Variants in LRRC1 observed in about 807,000 individuals in gnomAD.
The protein encoded by LRRC1 is leucine rich repeat containing 1, also known as leucine-rich repeat-containing protein 1.
In LRRC1, 28 loss-of-function variants were observed where a neutral mutation model predicts 69.9. That is an observed-to-expected ratio of 0.40 (90% CI 0.30 to 0.55). The LOEUF (loss-of-function observed/expected upper bound fraction) is 0.55. LRRC1 is among the 20% of genes least tolerant of loss of function. The probability of loss-of-function intolerance (pLI) is 0.47; values close to 1 mark genes in which losing one functional copy is unlikely to be tolerated. For missense variants in LRRC1, 498 were observed against 609.0 expected (o/e 0.82, Z 1.92); for synonymous variants, 236 against 240.2 (o/e 0.98, Z 0.16).
At chr6:53,854,926 A>G (rs897897154) in intron 2 of LRRC1, among the ~76,000 whole-genome samples, 1 of 152,268 alleles carries the variant, frequency 6.6e-6, no homozygotes, top group African/African-American at 2.4e-5. Flanking sequence ...TGCCTTTTCT[A>G]TAACATGAAC....
intron 11 of LRRC1, among the ~76,000 whole-genome samples, chr6:53,918,355 C>T (rs747882342): frequency 3.3e-5 from 5 of 152,154 alleles, no homozygotes; most frequent in Admixed American, 2.0e-4. Flanking sequence ...AATATTTTCT[C>T]ATCTTTGAAA....
intron 7 of LRRC1, among the ~76,000 whole-genome samples, 174 bp from the exon 8 acceptor site, chr6:53,899,573 A>G (rs1363743753): frequency 2.0e-5 from 3 of 152,110 alleles, no homozygotes; most frequent in African/African-American, 7.2e-5. Flanking sequence ...TCAACTTCCC[A>G]CTTTCATTGG....
Position 53,795,158 on chromosome 6 carries a change from C to A in LRRC1, c.-99C>A. 1 of 1,078,602 alleles carries A rather than the reference C, an allele frequency of 9.3e-7. No individual in the cohort carries two copies. The highest frequency in any genetic ancestry group is 1.3e-6 in the Non-Finnish European group (1 of 776,566). 66.8% of individuals were successfully genotyped at this position (1,078,602 alleles called of 1,614,324 possible). A position where few individuals can be genotyped will look rare whatever the true frequency, so the allele number is the denominator to read the frequency against. The stretch of plus-strand genomic sequence containing the variant: ...CTAACCCAAGAGCCAACAACGAGCG[C>A]GGAGAGGGCAGCGGACTGAGCGGAG... On this transcript the variant is annotated 5_prime_UTR_variant, in exon 1 of 14. Coordinates refer to ENST00000370888, the MANE Select transcript of LRRC1 (RefSeq NM_018214.5).
intron 2 of LRRC1, among the ~76,000 whole-genome samples, chr6:53,845,662 A>G (rs1417244865): frequency 2.0e-5 from 3 of 152,226 alleles, no homozygotes; most frequent in African/African-American, 4.8e-5. Context: ...TGTTTTGGCC[A>G]TGGAGGAGAA....
At chr6:53,809,838 A>G (rs1383639081) in intron 1 of LRRC1, among the ~76,000 whole-genome samples, 4 of 152,166 alleles carry the variant, frequency 2.6e-5, no homozygotes, top group Non-Finnish European at 4.4e-5. Context: ...GCCTTTAATG[A>G]AACAGGTATT....
chr6:53,803,917 T>C (rs1178366029), intron 1 of LRRC1, among the ~76,000 whole-genome samples: 1 of 152,146 alleles, frequency 6.6e-6, no homozygotes, highest in Non-Finnish European at 1.5e-5. Flanking sequence ...TGGGAAGAGA[T>C]AATCTGGAGG....
chr6:53,835,607 T>A (rs1765591862), intron 1 of LRRC1, among the ~76,000 whole-genome samples: 1 of 152,268 alleles, frequency 6.6e-6, no homozygotes, highest in African/African-American at 2.4e-5. Context: ...GTTTGAATTA[T>A]CTGCTTTAAC....
chr6:53,840,927 T>TGTGTGTGTGTGTGTGC (rs578018808), intron 1 of LRRC1, among the ~76,000 whole-genome samples: 1 of 132,508 alleles, frequency 7.5e-6, no homozygotes, highest in Non-Finnish European at 1.6e-5. Flanking sequence ...TGTGTGTGTG[T>TGTGTGTGTGTGTGTGC]GCGTGCGCGC....
intron 1 of LRRC1, among the ~76,000 whole-genome samples, chr6:53,797,796 A>G (rs1431509534): frequency 4.6e-5 from 7 of 152,188 alleles, no homozygotes; most frequent in Non-Finnish European, 8.8e-5. Context: ...TCTTCCTTTT[A>G]CAAATTCAGA....
chr6:53,825,689 G>C (rs1332509800), intron 1 of LRRC1, among the ~76,000 whole-genome samples: 1 of 152,044 alleles, frequency 6.6e-6, no homozygotes, highest in Admixed American at 6.6e-5. Context: ...AACTCTGAGG[G>C]TTAGGCCCAG....
chr6:53,818,837 CA>C (rs1444245714), intron 1 of LRRC1, among the ~76,000 whole-genome samples: 1 of 152,134 alleles, frequency 6.6e-6, no homozygotes, highest in Non-Finnish European at 1.5e-5. Context: ...CATTTCATTT[CA>C]TTTCATAAAT....
In LRRC1 at chr6:53,882,984, T is replaced by C; in HGVS notation, c.446+8T>C. On this transcript the variant is annotated splice_region_variant and intron_variant, in intron 4 of 13. Transcript: ENST00000370888. ...ACCTGAAAATATTGGCAAGTAAGTT[T>C]TTTTGTGAAGTTTGGGTGGATCAGG... The C allele has an allele frequency of 6.3e-7, 1 of 1,590,344 alleles. No homozygotes were observed. The highest frequency in any genetic ancestry group is 8.6e-7 in the Non-Finnish European group (1 of 1,161,990).
intron 1 of LRRC1, among the ~76,000 whole-genome samples, chr6:53,796,665 C>G (rs1430993552): frequency 6.6e-6 from 1 of 152,038 alleles, no homozygotes; most frequent in African/African-American, 2.4e-5. Flanking sequence ...ATTAACTTTC[C>G]TGGGTTCATG....
rs1006279432 is a variant in LRRC1, at chr6:53,868,315, G to A, written c.278-10678G>A. Among the ~76,000 whole-genome samples the A allele has an allele frequency of 4.0e-5, 6 of 150,338 alleles. No homozygotes were observed. The East Asian group carries it at 5.9e-4, about 15-fold the overall frequency. ...TGGCTCACGGCAACCTCTGCCTCCC[G>A]CGTTTAAGCGATTCTCCTGCCTCAG... On this transcript the variant is annotated intron_variant, in intron 2 of 13. Coordinates refer to ENST00000370888, the MANE Select transcript of LRRC1 (RefSeq NM_018214.5).
At chr6:53,883,016 G>A in intron 4 of LRRC1, 40 bp downstream of exon 4, 1 of 1,298,984 alleles carries the variant, frequency 7.7e-7, no homozygotes, top group Non-Finnish European at 1.1e-6. Flanking sequence ...CAGGGTGAAA[G>A]GGGGTTTATA....
At chr6:53,897,523 T>C (rs1767916734) in intron 7 of LRRC1, among the ~76,000 whole-genome samples, 164 bp downstream of exon 7, 1 of 152,190 alleles carries the variant, frequency 6.6e-6, no homozygotes, top group Non-Finnish European at 1.5e-5. Context: ...TGCATCATTC[T>C]CCATTGCCAT....
intron 4 of LRRC1, 47 bp from the exon 5 acceptor site, chr6:53,896,451 T>C (rs772379288): frequency 1.3e-6 from 2 of 1,500,830 alleles, no homozygotes; most frequent in Admixed American, 1.7e-5. Flanking sequence ...GTAGGAAGAA[T>C]CTCAGGAATT....
chr6:53,798,303 C>G (rs1764361031), intron 1 of LRRC1, among the ~76,000 whole-genome samples: 1 of 152,244 alleles, frequency 6.6e-6, no homozygotes. Flanking sequence ...TCCTTTTTGG[C>G]TCTGTGCTAA....
chr6:53,903,016 A>G (rs1768107938), intron 9 of LRRC1, among the ~76,000 whole-genome samples: 1 of 152,130 alleles, frequency 6.6e-6, no homozygotes, highest in African/African-American at 2.4e-5. Context: ...AGGTGTGGGG[A>G]TAAGCTACTC....
Sources: gnomAD v4.1 joint callset for allele counts (sites outside exome capture counted in the v4.1 genomes callset) on GRCh38, gnomAD v4.1.1 for gene constraint, MANE v1.5 for transcripts, NCBI Gene and HGNC (gene_info 2026-07-23, HGNC 2026-07-21) for gene names.